Variants in FHOD3 observed in about 807,000 individuals in gnomAD.
FHOD3 encodes the protein formin homology 2 domain containing 3.
Under a neutral mutation model 173.0 loss-of-function variants are expected in FHOD3, and 90 were observed. That is an observed-to-expected ratio of 0.52 (90% CI 0.44 to 0.62). FHOD3 has a LOEUF of 0.62. FHOD3 is among the 20% of genes least tolerant of loss of function. FHOD3 has a pLI of 0.00. For missense variants in FHOD3, 1,945 were observed against 2,034.7 expected (o/e 0.96, Z 0.85); for synonymous variants, 828 against 823.0 (o/e 1.01, Z -0.10).
At chr18:36,579,672 C>T (rs1388099671) in intron 6 of FHOD3, among the ~76,000 whole-genome samples, 1 of 152,184 alleles carries the variant, frequency 6.6e-6, no homozygotes, top group Non-Finnish European at 1.5e-5. Context: ...GAGGGCACAA[C>T]CTTCCTGCCC....
At position 36,482,580 on chromosome 18, in the gene FHOD3, G is replaced by A. The variant is rs969348566; in HGVS notation, c.338-19352G>A. On this transcript the variant is annotated intron_variant, in intron 3 of 28. Coordinates refer to ENST00000590592, the MANE Select transcript of FHOD3 (RefSeq NM_001281740.3). ...AGTAGGGAGAGGCAAGAAGGCTGGCGACAGGGTTCTACCCTGAGCAACTGA... is the reference window on the plus strand; with the variant it reads ...AGTAGGGAGAGGCAAGAAGGCTGGCAACAGGGTTCTACCCTGAGCAACTGA... Among the ~76,000 whole-genome samples the A allele has an allele frequency of 2.6e-5, 4 of 152,120 alleles. No homozygotes were observed. The East Asian group carries it at 5.8e-4, about 22-fold the overall frequency.
rs2041859591 is a variant in FHOD3, at chr18:36,740,652, C to G, written c.3577-4C>G. 1.2e-6 allele frequency: 2 copies of G among 1,611,652 alleles called. No individual in the cohort carries two copies. ...AAATATACTATATCATCTCCTATTT[C>G]CAGAAAATTCTAACGATGATTCCCA... On this transcript the variant is annotated splice_region_variant and splice_polypyrimidine_tract_variant and intron_variant, in intron 20 of 28. Coordinates refer to ENST00000590592, the MANE Select transcript of FHOD3 (RefSeq NM_001281740.3).
chr18:36,324,540 A>C (rs1017254302), intron 1 of FHOD3, among the ~76,000 whole-genome samples: 1 of 152,238 alleles, frequency 6.6e-6, no homozygotes, highest in African/African-American at 2.4e-5. Flanking sequence ...GGCTTCTTAA[A>C]TAAGAAAATG....
chr18:36,631,451 C>T (rs1311208949), intron 10 of FHOD3, among the ~76,000 whole-genome samples: 1 of 152,122 alleles, frequency 6.6e-6, no homozygotes, highest in Non-Finnish European at 1.5e-5. Flanking sequence ...GATGTGGTGC[C>T]AACTGTGTGA....
At chr18:36,707,109 A>G (rs1022474971) in intron 17 of FHOD3, among the ~76,000 whole-genome samples, 2 of 152,244 alleles carry the variant, frequency 1.3e-5, no homozygotes, top group African/African-American at 4.8e-5. Flanking sequence ...GGAAGAGTGT[A>G]TGATGCTCTC....
intron 1 of FHOD3, among the ~76,000 whole-genome samples, chr18:36,333,149 C>A (rs2045111464): frequency 6.6e-6 from 1 of 152,216 alleles, no homozygotes; most frequent in African/African-American, 2.4e-5. Flanking sequence ...TTGATGGTGC[C>A]TCCAGGTTTA....
At chr18:36,298,524 G>T (rs1193364786) in intron 1 of FHOD3, among the ~76,000 whole-genome samples, 1 of 152,214 alleles carries the variant, frequency 6.6e-6, no homozygotes, top group Non-Finnish European at 1.5e-5. Flanking sequence ...CGGCGACACC[G>T]CCTCCTCCTT....
chr18:36,397,252 C>T (rs1568218440), intron 3 of FHOD3, among the ~76,000 whole-genome samples: 1 of 152,198 alleles, frequency 6.6e-6, no homozygotes, highest in Non-Finnish European at 1.5e-5. Flanking sequence ...TTTGGCTTCT[C>T]CTGTTCTCAG....
At chr18:36,742,280 C>G (rs550183982) in intron 21 of FHOD3, among the ~76,000 whole-genome samples, 7 of 152,206 alleles carry the variant, frequency 4.6e-5, no homozygotes, top group Admixed American at 1.3e-4. Context: ...CCCAGGCTGC[C>G]AGGTGGCTAG....
At chr18:36,400,174 G>A (rs2048739189) in intron 3 of FHOD3, among the ~76,000 whole-genome samples, 1 of 152,110 alleles carries the variant, frequency 6.6e-6, no homozygotes, top group South Asian at 2.1e-4. Flanking sequence ...ATTTTTGTAT[G>A]TTTGTAGAGC....
At chr18:36,495,509 T>C (rs2054698859) in intron 3 of FHOD3, among the ~76,000 whole-genome samples, 1 of 152,226 alleles carries the variant, frequency 6.6e-6, no homozygotes, top group African/African-American at 2.4e-5. Context: ...GTGAAGCCTC[T>C]GCAGCTGCCC....
chr18:36,694,733 A>G (rs1029443381), intron 17 of FHOD3, among the ~76,000 whole-genome samples: 1 of 152,226 alleles, frequency 6.6e-6, no homozygotes, highest in Non-Finnish European at 1.5e-5. Flanking sequence ...TAAACTGTGA[A>G]GTACAGAACA....
At chr18:36,382,276 A>T (rs939741430) in intron 3 of FHOD3, among the ~76,000 whole-genome samples, 1 of 152,162 alleles carries the variant, frequency 6.6e-6, no homozygotes, top group African/African-American at 2.4e-5. Flanking sequence ...TTCATTAGGG[A>T]TGGGCTGTGG....
rs191791527 is a variant in FHOD3 at position 36,552,749 on chromosome 18, C to T, written c.512-23702C>T. 1.3e-4 allele frequency among the ~76,000 whole-genome samples: 20 copies of T among 152,178 alleles called. No individual in the cohort carries two copies. In the East Asian group the frequency reaches 1.4e-3, roughly 10 times the overall value. Reference sequence around the variant, plus strand: ...TCCTAACCTCATGATCCACCCGCCTCGGCCTCCCAAAGTGCTGGGATTACA... The same window carrying T: ...TCCTAACCTCATGATCCACCCGCCTTGGCCTCCCAAAGTGCTGGGATTACA... On this transcript the variant is annotated intron_variant, in intron 5 of 28. Transcript: ENST00000590592.
intron 3 of FHOD3, among the ~76,000 whole-genome samples, chr18:36,430,452 G>A (rs1018084563): frequency 6.6e-6 from 1 of 152,300 alleles, no homozygotes; most frequent in East Asian, 1.9e-4. Flanking sequence ...CTGACCTCAG[G>A]TGATCCGCCT....
chr18:36,443,796 G>A (rs2051293198), intron 3 of FHOD3, among the ~76,000 whole-genome samples: 1 of 152,108 alleles, frequency 6.6e-6, no homozygotes, highest in Non-Finnish European at 1.5e-5. Context: ...TTGTACTGAT[G>A]TGACCTATTT....
chr18:36,480,400 G>T (rs553154830), intron 3 of FHOD3, among the ~76,000 whole-genome samples: 2 of 152,190 alleles, frequency 1.3e-5, no homozygotes, highest in Non-Finnish European at 2.9e-5. Flanking sequence ...TTTCGCTAGC[G>T]GGAAATTGGG....
chr18:36,668,814 T>G (rs987923285), intron 14 of FHOD3, among the ~76,000 whole-genome samples: 1 of 152,112 alleles, frequency 6.6e-6, no homozygotes, highest in Middle Eastern at 3.2e-3. Flanking sequence ...GTTACTGATT[T>G]CTAATTTAAT....
intron 2 of FHOD3, among the ~76,000 whole-genome samples, chr18:36,366,213 G>A (rs549611333): frequency 2.3e-4 from 35 of 152,246 alleles, no homozygotes; most frequent in African/African-American, 7.2e-4. Context: ...TATTATTGTC[G>A]ATTCTTGAAT....
Sources: gnomAD v4.1 joint callset for allele counts (sites outside exome capture counted in the v4.1 genomes callset) on GRCh38, gnomAD v4.1.1 for gene constraint, MANE v1.5 for transcripts, NCBI Gene and HGNC (gene_info 2026-07-23, HGNC 2026-07-21) for gene names.